The following ADAM23 variants were observed in gnomAD, a reference collection of about 807,000 sequenced individuals.
ADAM23 encodes the protein disintegrin and metalloproteinase domain-containing protein 23.
A neutral mutation model predicts 120.1 loss-of-function variants in ADAM23; 33 were observed. The observed-to-expected ratio is 0.27, with a 90% CI of 0.21 to 0.37. The LOEUF is 0.37. Among genes scored for constraint, ADAM23 ranks in the 10% least tolerant of loss-of-function variants. The pLI is 1.00. For synonymous variants in ADAM23, 367 were observed against 375.2 expected, an observed-to-expected ratio of 0.98 and a Z score of 0.25; for missense variants, 862 against 1,058.2, an observed-to-expected ratio of 0.81 and a Z score of 2.57.
chr2:206,466,318 A>G (rs1239787966), intron 2 of ADAM23, among the ~76,000 whole-genome samples: 1 of 152,320 alleles, frequency 6.6e-6, no homozygotes, highest in African/African-American at 2.4e-5. Context: ...TAAGAAAGTG[A>G]TGCTCTTGGA....
Position 206,617,653 on chromosome 2 carries a change from C to T in ADAM23, c.*26C>T. ...ATCAGCTGCGCTGGATGGACACCGC[C>T]TTGCACTGTTGGATTCTGGGTATGA... On this transcript the variant is annotated 3_prime_UTR_variant, in exon 26 of 26. Coordinates refer to ENST00000264377, the MANE Select transcript of ADAM23 (RefSeq NM_003812.4). 1.2e-6 allele frequency: 2 copies of T among 1,613,000 alleles called. No individual in the cohort carries two copies. The highest frequency in any genetic ancestry group is 1.7e-6 in the Non-Finnish European group (2 of 1,179,538).
chr2:206,457,144 C>T (rs1695317116), intron 2 of ADAM23, among the ~76,000 whole-genome samples: 1 of 152,194 alleles, frequency 6.6e-6, no homozygotes. Context: ...TTTAGCTCAA[C>T]TCTCCAATGC....
At chr2:206,444,126 C>A in intron 1 of ADAM23, 46 bp downstream of exon 1, 1 of 1,238,124 alleles carries the variant, frequency 8.1e-7, no homozygotes, top group Non-Finnish European at 1.0e-6. Context: ...CCGCGGGGCC[C>A]TGCAGAGGAA....
intron 2 of ADAM23, among the ~76,000 whole-genome samples, chr2:206,456,399 C>A: frequency 6.6e-6 from 1 of 152,104 alleles, no homozygotes; most frequent in East Asian, 1.9e-4. Context: ...TACAATTCAA[C>A]ATGAGATTTG....
intron 4 of ADAM23, among the ~76,000 whole-genome samples, chr2:206,539,202 T>C (rs1008491915): frequency 1.3e-5 from 2 of 152,176 alleles, no homozygotes; most frequent in Admixed American, 1.3e-4. Flanking sequence ...GGGAGCATAC[T>C]AGGATTTTTA....
In ADAM23 at chr2:206,619,223, A is replaced by C. The variant is rs1287356429; in HGVS notation, c.*1596A>C. 6.6e-6 allele frequency: 1 copy of C among 152,200 alleles called. No homozygotes were observed. The highest frequency in any genetic ancestry group is 2.4e-5 in the African/African-American group (1 of 41,440). 9.4% of individuals were successfully genotyped at this position (152,200 alleles called of 1,614,324 possible). On this transcript the variant is annotated 3_prime_UTR_variant, in exon 26 of 26. Coordinates refer to ENST00000264377, the MANE Select transcript of ADAM23 (RefSeq NM_003812.4). ...TCAGTGGACCGTTGCACTGGATTAT[A>C]ATGGGATTCTACTATATACAAATCC...
intron 2 of ADAM23, among the ~76,000 whole-genome samples, chr2:206,461,614 G>C (rs781699010): frequency 9.9e-5 from 15 of 152,266 alleles, no homozygotes; most frequent in Non-Finnish European, 2.1e-4. Flanking sequence ...TTGTAGGTCT[G>C]TATGGGGTCT....
At chr2:206,444,325 T>C (rs1234275286) in intron 1 of ADAM23, among the ~76,000 whole-genome samples, 4 of 152,208 alleles carry the variant, frequency 2.6e-5, no homozygotes, top group African/African-American at 7.2e-5. Flanking sequence ...GGGAGGTGTT[T>C]AGTGGATCCT....
intron 24 of ADAM23, among the ~76,000 whole-genome samples, chr2:206,600,828 T>C (rs1329799262): frequency 6.6e-6 from 1 of 152,196 alleles, no homozygotes; most frequent in Non-Finnish European, 1.5e-5. Context: ...AAATAAGATC[T>C]CAAAGCACAA....
Position 206,481,291 on chromosome 2 carries a change from T to G in ADAM23, c.492T>G (p.Leu164=). 1.9e-6 allele frequency: 3 copies of G among 1,610,724 alleles called. No individual in the cohort carries two copies. Among genetic ancestry groups the G allele is most frequent in the Non-Finnish European group, 2.5e-6 (3 of 1,178,592 alleles). Residue 164 remains leucine (L), a synonymous_variant, in exon 3 of 26, where the codon CTT becomes CTG. Transcript: ENST00000264377. ...QIEAFGSKFI[L]DLILNNGLLS... is the part of the protein sequence containing the mutation. ...AAGCCTTCGGCTCCAAATTCATTCTTGACCTCATACTGAACAAGTGAGTAT... is the reference window on the plus strand; with the variant it reads ...AAGCCTTCGGCTCCAAATTCATTCTGGACCTCATACTGAACAAGTGAGTAT...
At chr2:206,506,855 T>C (rs1696507291) in intron 3 of ADAM23, among the ~76,000 whole-genome samples, 2 of 152,244 alleles carry the variant, frequency 1.3e-5, no homozygotes, top group South Asian at 4.1e-4. Context: ...AGAAAAATCT[T>C]GTTTTCCAAT....
At chr2:206,597,682 T>C (rs1698556375) in intron 24 of ADAM23, among the ~76,000 whole-genome samples, 5 of 152,198 alleles carry the variant, frequency 3.3e-5, no homozygotes, top group Admixed American at 3.3e-4. Context: ...TACATCAGCT[T>C]CTTTATCATG....
chr2:206,571,921 C>A, intron 17 of ADAM23, 105 bp downstream of exon 17: 1 of 977,386 alleles, frequency 1.0e-6, no homozygotes. Context: ...TTCTTGGGTA[C>A]AGTGTACATA....
intron 2 of ADAM23, among the ~76,000 whole-genome samples, chr2:206,470,143 C>T (rs976114173): frequency 2.6e-5 from 4 of 151,972 alleles, no homozygotes; most frequent in Admixed American, 6.6e-5. Flanking sequence ...GGTAGACACA[C>T]GTGATTATTT....
Position 206,456,413 on chromosome 2 carries a change from A to G in ADAM23, c.432+10889A>G, listed in dbSNP as rs1389527616. Among the ~76,000 whole-genome samples the G allele has an allele frequency of 2.0e-5, 3 of 151,748 alleles. No individual in the cohort carries two copies. The East Asian group carries it at 5.9e-4, about 30-fold the overall frequency. Reference sequence around the variant, plus strand: ...TTACAATTCAACATGAGATTTGCGTAGGGACATAGAGCCAAATCATATCAA... The same window carrying G: ...TTACAATTCAACATGAGATTTGCGTGGGGACATAGAGCCAAATCATATCAA... On this transcript the variant is annotated intron_variant, in intron 2 of 25. Coordinates refer to ENST00000264377, the MANE Select transcript of ADAM23 (RefSeq NM_003812.4).
At chr2:206,527,005 A>G (rs1235830601) in intron 3 of ADAM23, among the ~76,000 whole-genome samples, 5 of 152,098 alleles carry the variant, frequency 3.3e-5, no homozygotes, top group Admixed American at 6.5e-5. Context: ...CTTCCATCCT[A>G]CGTTTATTCA....
chr2:206,509,998 T>A (rs1696589289), intron 3 of ADAM23, among the ~76,000 whole-genome samples: 1 of 152,204 alleles, frequency 6.6e-6, no homozygotes, highest in African/African-American at 2.4e-5. Context: ...ATCAACATAG[T>A]TTTGTAGATT....
intron 2 of ADAM23, among the ~76,000 whole-genome samples, chr2:206,477,897 A>AAATATATAT (rs374524658): frequency 2.7e-4 from 25 of 93,596 alleles, no homozygotes; most frequent in African/African-American, 1.0e-3. Context: ...AAAAAAAAAA[A>AAATATATAT]ATATATATAT....
At chr2:206,498,064 GGC>G (rs893425064) in intron 3 of ADAM23, among the ~76,000 whole-genome samples, 74 of 152,082 alleles carry the variant, frequency 4.9e-4, no homozygotes, top group Admixed American at 8.5e-4. Context: ...TCGTGAAAAT[GGC>G]CATACTGCCC....
Sources: allele counts gnomAD v4.1 joint callset (sites outside exome capture counted in the v4.1 genomes callset), GRCh38; gene constraint gnomAD v4.1.1; transcripts MANE v1.5; gene names NCBI Gene and HGNC (gene_info 2026-07-23, HGNC 2026-07-21).